The following ANKMY1 variants were observed in gnomAD, a reference collection of about 807,000 sequenced individuals.
ANKMY1 encodes the protein ankyrin repeat and MYND domain containing 1.
A neutral mutation model predicts 102.0 loss-of-function variants in ANKMY1; 98 were observed. The ratio of observed to expected loss-of-function variants is 0.96; its 90% confidence interval spans 0.82 to 1.14. The LOEUF (loss-of-function observed/expected upper bound fraction) is 1.14, where lower values mean the gene tolerates loss of function less well. Ranked by LOEUF, ANKMY1 falls within the 50% of genes most tolerant of loss-of-function variation. The probability of loss-of-function intolerance (pLI) is 0.00; values close to 1 mark genes in which losing one functional copy is unlikely to be tolerated. For missense variants in ANKMY1, 1,330 were observed against 1,347.6 expected, an observed-to-expected ratio of 0.99 and a Z score of 0.20; for synonymous variants, 582 against 559.9, an observed-to-expected ratio of 1.04 and a Z score of -0.56.
chr2:240,479,777 T>G (rs1274531553), intron 17 of ANKMY1, 122 bp from the exon 18 acceptor site: 11 of 846,624 alleles, frequency 1.3e-5, no homozygotes, highest in Non-Finnish European at 2.1e-5. Flanking sequence ...CTAGAGCTTT[T>G]GCAGGCAAGG....
chr2:240,527,020 G>C lies in ANKMY1; in HGVS notation c.954-575C>G, dbSNP rs183099255. On this transcript the variant is annotated intron_variant, in intron 5 of 17. Transcript: ENST00000401804. ...TTACAAGCCCAGTTGATGTCTGCAT[G>C]ATGGATGGATGGATGGTTGGGTAGG... The C allele has an allele frequency of 3.9e-4, 389 of 992,248 alleles. 1 individual carries two copies. In the Middle Eastern group the frequency reaches 7.3e-3, roughly 19 times the overall value. 61.5% of individuals were successfully genotyped at this position (992,248 alleles called of 1,614,324 possible).
At position 240,520,570 on chromosome 2, in the gene ANKMY1, C is replaced by T; in HGVS notation, c.1833-37G>A. 6.3e-7 allele frequency: 1 copy of T among 1,586,800 alleles called. No homozygotes were observed. Among genetic ancestry groups the T allele is most frequent in the Non-Finnish European group, 8.6e-7 (1 of 1,166,474 alleles). Reference sequence around the variant, plus strand: ...GGTGCGCCCGTGGGCCCCTGGAGGGCAGGCACCTGCACTGCGCCCAGAACG... The same window carrying T: ...GGTGCGCCCGTGGGCCCCTGGAGGGTAGGCACCTGCACTGCGCCCAGAACG... On this transcript the variant is annotated intron_variant, in intron 8 of 17. Transcript: ENST00000401804. This position sits in a 1 kb window ranked among gnomAD's most constrained non-coding sequence, Gnocchi z 4.8.
chr2:240,488,307 T>C (rs1421704664), intron 15 of ANKMY1, among the ~76,000 whole-genome samples: 2 of 152,226 alleles, frequency 1.3e-5, no homozygotes, highest in Non-Finnish European at 2.9e-5. Context: ...TTCTGGGTTC[T>C]TTATTCTGTT....
At position 240,499,221 on chromosome 2, in the gene ANKMY1, G is replaced by A. The variant is rs531839896; in HGVS notation, c.2806+737C>T. 2.6e-5 allele frequency among the ~76,000 whole-genome samples: 4 copies of A among 152,148 alleles called. No individual in the cohort carries two copies. The South Asian group carries it at 8.3e-4, about 32-fold the overall frequency. ...TGTGTGCACACACGTGTTAACACGT[G>A]ACAGGTTTTTATGTGAGGAGAGGAT... On this transcript the variant is annotated intron_variant, in intron 15 of 17. Coordinates refer to ENST00000401804, the MANE Select transcript of ANKMY1 (RefSeq NM_001282771.3). This position sits in a 1 kb window ranked among gnomAD's most constrained non-coding sequence, Gnocchi z 4.2.
intron 11 of ANKMY1, among the ~76,000 whole-genome samples, chr2:240,511,197 C>T (rs1437593470): frequency 1.3e-5 from 2 of 152,194 alleles, no homozygotes; most frequent in African/African-American, 4.8e-5. Flanking sequence ...CACTCCTGCA[C>T]ACTCATCCTC....
At chr2:240,494,453 G>C (rs373464241) in intron 15 of ANKMY1, among the ~76,000 whole-genome samples, 25 of 152,182 alleles carry the variant, frequency 1.6e-4, no homozygotes, top group South Asian at 8.3e-4. Flanking sequence ...TCACTTCCCA[G>C]ACCCAGCCAC....
At chr2:240,509,251 G>T in intron 12 of ANKMY1, 97 bp downstream of exon 12, 1 of 826,794 alleles carries the variant, frequency 1.2e-6, no homozygotes, top group Non-Finnish European at 1.8e-6. Flanking sequence ...ATGGATAAAT[G>T]GCCAACAACT....
At chr2:240,507,796 G>A (rs1201247693) in intron 12 of ANKMY1, 105 bp from the exon 13 acceptor site, 2 of 1,377,158 alleles carry the variant, frequency 1.5e-6, no homozygotes, top group East Asian at 2.7e-5. Context: ...CTGAAAGCAG[G>A]GGCTTCACGG....
chr2:240,500,178 G>A, intron 14 of ANKMY1, 55 bp from the exon 15 acceptor site: 1 of 1,505,024 alleles, frequency 6.6e-7, no homozygotes, highest in Non-Finnish European at 8.9e-7. Context: ...CTCACTGCTG[G>A]GGTGACTCTC....
chr2:240,511,425 A>G (rs1003448070), intron 11 of ANKMY1, among the ~76,000 whole-genome samples: 1 of 152,064 alleles, frequency 6.6e-6, no homozygotes, highest in Non-Finnish European at 1.5e-5. Context: ...CCCACACCCA[A>G]TTTGGTAGGA....
intron 1 of ANKMY1, 93 bp downstream of exon 1, chr2:240,557,788 C>T: frequency 1.2e-6 from 1 of 843,200 alleles, no homozygotes; most frequent in Non-Finnish European, 1.4e-6. Context: ...GGGGTGGGGA[C>T]CGCGAGCCTG....
chr2:240,557,905 C>A lies in ANKMY1; in HGVS notation c.-42G>T, dbSNP rs1340816309. The A allele has an allele frequency of 2.0e-6, 2 of 985,588 alleles. No homozygotes were observed. The highest frequency in any genetic ancestry group is 2.4e-6 in the Non-Finnish European group (2 of 830,028). The allele number at this position is 985,588 out of a possible 1,614,324, so 61.1% of individuals were successfully genotyped here. A position where few individuals can be genotyped will look rare whatever the true frequency, so the allele number is the denominator to read the frequency against. ...CCAAGCAAGACTCGAAGAGCTCGCG[C>A]CGGACAGCAGGGAGACCGACGGGAC... On this transcript the variant is annotated 5_prime_UTR_variant, in exon 1 of 18. Coordinates refer to ENST00000401804, the MANE Select transcript of ANKMY1 (RefSeq NM_001282771.3).
intron 13 of ANKMY1, among the ~76,000 whole-genome samples, chr2:240,502,936 C>G (rs1421567410): frequency 6.6e-6 from 1 of 152,112 alleles, no homozygotes; most frequent in African/African-American, 2.4e-5. Context: ...CTGAGGCTCC[C>G]CAGGCATGCC....
chr2:240,495,489 G>A (rs1030320768), intron 15 of ANKMY1, among the ~76,000 whole-genome samples: 4 of 152,168 alleles, frequency 2.6e-5, no homozygotes, highest in African/African-American at 9.7e-5. Flanking sequence ...TCTCTGAAAT[G>A]CAGAAATAAT....
chr2:240,548,221 G>A (rs1416715932), intron 4 of ANKMY1, among the ~76,000 whole-genome samples: 13 of 152,032 alleles, frequency 8.6e-5, no homozygotes, highest in Admixed American at 8.5e-4. Context: ...ACGCAAATCA[G>A]TAAATGTAAT....
chr2:240,555,117 T>A, intron 2 of ANKMY1, 62 bp from the exon 3 acceptor site: 2 of 1,541,356 alleles, frequency 1.3e-6, no homozygotes, highest in Non-Finnish European at 1.8e-6. Flanking sequence ...CAGTGACTGC[T>A]GAGCACAACC....
At chr2:240,471,829 C>T in the ANKMY1 span, among the ~76,000 whole-genome samples, 1 of 152,112 alleles carries the variant, frequency 6.6e-6, no homozygotes, top group Admixed American at 6.5e-5. Context: ...CAAATGGGGT[C>T]CTTTGCAGAT....
chr2:240,557,765 T>A, intron 1 of ANKMY1, 116 bp downstream of exon 1: 51 of 503,388 alleles, frequency 1.0e-4, no homozygotes, highest in East Asian at 1.6e-4. Context: ...CCCCAGCCCC[T>A]CGGCCCCTCC....
At chr2:240,487,767 T>C (rs541926630) in intron 15 of ANKMY1, among the ~76,000 whole-genome samples, 2 of 152,316 alleles carry the variant, frequency 1.3e-5, no homozygotes, top group African/African-American at 4.8e-5. Context: ...ACCCACTGGC[T>C]GTTTGTACGT....
Sources: allele counts gnomAD v4.1 joint callset (sites outside exome capture counted in the v4.1 genomes callset), GRCh38; gene constraint gnomAD v4.1.1; non-coding constraint Gnocchi (gnomAD v3.1); transcripts MANE v1.5; gene names NCBI Gene and HGNC (gene_info 2026-07-23, HGNC 2026-07-21).